Variants in PTPRD observed in about 807,000 individuals in gnomAD.
The protein encoded by PTPRD is receptor-type tyrosine-protein phosphatase delta.
Under a neutral mutation model 214.5 loss-of-function variants are expected in PTPRD, and 34 were observed. The ratio of observed to expected loss-of-function variants is 0.16; its 90% CI spans 0.12 to 0.21. The LOEUF is 0.21. Among genes scored for constraint, PTPRD ranks in the 10% least tolerant of loss-of-function variants. The pLI, the probability that PTPRD is intolerant of heterozygous loss-of-function variation, is 1.00. For synonymous variants in PTPRD, 1,128 were observed against 845.7 expected, an observed-to-expected ratio of 1.33 and a Z score of -5.79; for missense variants, 2,545 against 2,398.7, an observed-to-expected ratio of 1.06 and a Z score of -1.27.
chr9:10,502,321 A>T (rs1423907003), intron 2 of PTPRD, among the ~76,000 whole-genome samples: 2 of 151,950 alleles, frequency 1.3e-5, no homozygotes, highest in African/African-American at 4.8e-5. Context: ...AAGAACATAT[A>T]AAATTTTTGA....
At chr9:9,409,561 T>A (rs763568578) in intron 8 of PTPRD, among the ~76,000 whole-genome samples, 27 of 152,058 alleles carry the variant, frequency 1.8e-4, no homozygotes, top group Non-Finnish European at 3.5e-4. Flanking sequence ...CTGCTAGAAC[T>A]GAGAGCACTT....
chr9:10,567,258 T>C (rs1313507162), intron 2 of PTPRD, among the ~76,000 whole-genome samples: 2 of 152,240 alleles, frequency 1.3e-5, no homozygotes, highest in Admixed American at 6.6e-5. Context: ...CTTAATTTAC[T>C]GTGGTCACAA....
chr9:9,334,125 A>G (rs934382184), intron 9 of PTPRD, among the ~76,000 whole-genome samples: 3 of 152,058 alleles, frequency 2.0e-5, no homozygotes, highest in Non-Finnish European at 2.9e-5. Flanking sequence ...TATCAGAAAT[A>G]AAAACATAGA....
intron 7 of PTPRD, among the ~76,000 whole-genome samples, chr9:9,667,859 C>T (rs2096753085): frequency 6.6e-6 from 1 of 152,126 alleles, no homozygotes; most frequent in African/African-American, 2.4e-5. Context: ...CCTTGGTGAC[C>T]TTGCCACAAA....
intron 10 of PTPRD, among the ~76,000 whole-genome samples, chr9:9,047,560 A>G (rs1161542665): frequency 6.6e-6 from 1 of 152,130 alleles, no homozygotes; most frequent in Non-Finnish European, 1.5e-5. Context: ...ACATAGACCA[A>G]TGCAACAGAA....
intron 9 of PTPRD, among the ~76,000 whole-genome samples, chr9:9,278,623 C>T (rs1946529950): frequency 6.6e-6 from 1 of 151,268 alleles, no homozygotes; most frequent in South Asian, 2.1e-4. Context: ...CTTGTACAGA[C>T]AGAGGGCAAC....
At chr9:10,160,484 G>A (rs940882405) in intron 3 of PTPRD, among the ~76,000 whole-genome samples, 2 of 151,754 alleles carry the variant, frequency 1.3e-5, no homozygotes, top group Non-Finnish European at 2.9e-5. Context: ...AAACCATATG[G>A]TTATTTTAAT....
intron 8 of PTPRD, among the ~76,000 whole-genome samples, chr9:9,570,439 T>C (rs761372411): frequency 6.6e-6 from 1 of 151,568 alleles, no homozygotes; most frequent in Admixed American, 6.6e-5. Flanking sequence ...ATTACCTCTA[T>C]ATGTGGTTTG....
chr9:9,288,435 A>T (rs1214676705), intron 9 of PTPRD, among the ~76,000 whole-genome samples: 1 of 151,886 alleles, frequency 6.6e-6, no homozygotes, highest in Non-Finnish European at 1.5e-5. Context: ...ATAAATACTT[A>T]AAAAACACGT....
chr9:9,305,700 G>C (rs961806498), intron 9 of PTPRD, among the ~76,000 whole-genome samples: 1 of 152,100 alleles, frequency 6.6e-6, no homozygotes, highest in Non-Finnish European at 1.5e-5. Context: ...TCTAAATCCA[G>C]TGATTAGTGT....
chr9:9,957,780 A>C (rs2094047928), intron 4 of PTPRD, among the ~76,000 whole-genome samples: 1 of 152,184 alleles, frequency 6.6e-6, no homozygotes, highest in South Asian at 2.1e-4. Context: ...ACCTGACTTC[A>C]AGACTTACTA....
At chr9:10,475,700 C>T (rs1184244014) in intron 2 of PTPRD, among the ~76,000 whole-genome samples, 4 of 152,066 alleles carry the variant, frequency 2.6e-5, no homozygotes, top group African/African-American at 7.2e-5. Flanking sequence ...AGGCCAATAT[C>T]CCTGATTAAC....
chr9:9,597,169 G>A, intron 7 of PTPRD, among the ~76,000 whole-genome samples: 1 of 151,844 alleles, frequency 6.6e-6, no homozygotes, highest in Non-Finnish European at 1.5e-5. Context: ...AGGGTGGGGG[G>A]AATAAAAATC....
intron 45 of PTPRD, among the ~76,000 whole-genome samples, chr9:8,319,014 C>A (rs1169867058): frequency 6.6e-6 from 1 of 152,058 alleles, no homozygotes; most frequent in African/African-American, 2.4e-5. Flanking sequence ...CAGTAAGTTG[C>A]TTGGCTGAGT....
At chr9:8,885,069 G>A (rs2154226019) in intron 11 of PTPRD, among the ~76,000 whole-genome samples, 1 of 152,294 alleles carries the variant, frequency 6.6e-6, no homozygotes, top group African/African-American at 2.4e-5. Flanking sequence ...AGTGCTGATT[G>A]TGTTGAATAA....
chr9:8,697,475 T>A (rs2097945390), intron 12 of PTPRD, among the ~76,000 whole-genome samples: 1 of 141,476 alleles, frequency 7.1e-6, no homozygotes, highest in Non-Finnish European at 1.5e-5. Context: ...TAGGCTGGAG[T>A]GCAGTGGTGT....
chr9:9,035,380 T>C (rs2099618248), intron 10 of PTPRD, among the ~76,000 whole-genome samples: 1 of 152,106 alleles, frequency 6.6e-6, no homozygotes, highest in Admixed American at 6.6e-5. Flanking sequence ...CTGTCAGCTT[T>C]ATTATTGAGG....
rs140986537 is a variant in PTPRD, at chr9:9,588,582, C to T, written c.-286-13801G>A. The stretch of plus-strand genomic sequence containing the variant: ...TATCTTATTAGTGAAAGATAGAAAA[C>T]CCAGGAATATATTTCTTAAAGTTGC... On this transcript the variant is annotated intron_variant, in intron 7 of 45. Transcript: ENST00000381196. 7.2e-3 allele frequency among the ~76,000 whole-genome samples: 1,094 copies of T among 151,854 alleles called. 12 individuals carry two copies. Among genetic ancestry groups the T allele is most frequent in the African/African-American group, 0.025 (1,030 of 41,452 alleles).
chr9:9,385,145 T>C (rs1250358199), intron 9 of PTPRD, among the ~76,000 whole-genome samples: 1 of 152,100 alleles, frequency 6.6e-6, no homozygotes, highest in African/African-American at 2.4e-5. Flanking sequence ...AAAAGAATAA[T>C]GAACCCACAT....
Sources: gnomAD v4.1 joint callset for allele counts (sites outside exome capture counted in the v4.1 genomes callset) on GRCh38, gnomAD v4.1.1 for gene constraint, MANE v1.5 for transcripts, NCBI Gene and HGNC (gene_info 2026-07-23, HGNC 2026-07-21) for gene names.